The following OGA variants were observed in gnomAD, a reference collection of about 807,000 sequenced individuals.
OGA encodes protein O-GlcNAcase.
A neutral mutation model predicts 102.0 loss-of-function variants in OGA; 21 were observed. That is an observed-to-expected ratio of 0.21 (90% CI 0.15 to 0.30). The LOEUF (loss-of-function observed/expected upper bound fraction) is 0.30. Among genes scored for constraint, OGA ranks in the 10% least tolerant of loss-of-function variants. The pLI is 1.00. For synonymous variants in OGA, 408 were observed against 378.2 expected, an observed-to-expected ratio of 1.08 and a Z score of -0.91; for missense variants, 765 against 1,107.8, an observed-to-expected ratio of 0.69 and a Z score of 4.39.
chr10:101,817,478 G>A (rs1589845284), intron 1 of OGA, among the ~76,000 whole-genome samples: 2 of 152,228 alleles, frequency 1.3e-5, no homozygotes, highest in South Asian at 2.1e-4. Flanking sequence ...TTTTTTCACT[G>A]GAACCAGACA....
intron 6 of OGA, among the ~76,000 whole-genome samples, chr10:101,805,124 C>T (rs1285066692): frequency 6.6e-6 from 1 of 151,538 alleles, no homozygotes; most frequent in Non-Finnish European, 1.5e-5. Flanking sequence ...GCAGCCTCTA[C>T]CTCCCGGGCT....
At chr10:101,812,266 G>A (rs2065568505) in intron 3 of OGA, among the ~76,000 whole-genome samples, 1 of 152,100 alleles carries the variant, frequency 6.6e-6, no homozygotes, top group South Asian at 2.1e-4. Context: ...GGCCGGCCGG[G>A]CACAGGAGCT....
chr10:101,790,469 G>A (rs2065247256), intron 14 of OGA, among the ~76,000 whole-genome samples: 1 of 151,842 alleles, frequency 6.6e-6, no homozygotes, highest in Non-Finnish European at 1.5e-5. Flanking sequence ...TAGAGATGGA[G>A]TTTCACCACG....
chr10:101,798,789 C>G, intron 9 of OGA, 53 bp downstream of exon 9: 2 of 1,552,474 alleles, frequency 1.3e-6, no homozygotes, highest in Non-Finnish European at 1.7e-6. Flanking sequence ...TTCCACATTA[C>G]CAGTATGGGG....
intron 6 of OGA, among the ~76,000 whole-genome samples, chr10:101,804,446 G>A (rs1271526049): frequency 6.6e-6 from 1 of 151,194 alleles, no homozygotes; most frequent in African/African-American, 2.4e-5. Context: ...CTAATTTTTT[G>A]TATTTTTTAG....
chr10:101,799,719 T>C (rs929532820), intron 8 of OGA, among the ~76,000 whole-genome samples: 3 of 152,192 alleles, frequency 2.0e-5, no homozygotes, highest in African/African-American at 7.2e-5. Flanking sequence ...ACCCTTAAAT[T>C]ACTTCAAAAA....
At position 101,786,196 on chromosome 10, in the gene OGA, G is replaced by A. The variant is rs997560113; in HGVS notation, c.*255C>T. Reference sequence around the variant, plus strand: ...TCTCCCTGTATAAGCCCATGTAAAAGGTCTCAGCACCTAACACAAGACTCA... The same window carrying A: ...TCTCCCTGTATAAGCCCATGTAAAAAGTCTCAGCACCTAACACAAGACTCA... On this transcript the variant is annotated 3_prime_UTR_variant, in exon 16 of 16. Coordinates refer to ENST00000361464, the MANE Select transcript of OGA (RefSeq NM_012215.5). The A allele has an allele frequency of 3.2e-6, 1 of 312,256 alleles. No individual in the cohort carries two copies. The highest frequency in any genetic ancestry group is 5.8e-6 in the Non-Finnish European group (1 of 172,272). The allele number at this position is 312,256 out of a possible 1,614,324, so 19.3% of individuals were successfully genotyped here.
rs1428700616 is a variant in OGA at position 101,784,856 on chromosome 10, T to G, written c.*1595A>C. ...ATCTCAAGCCCTCAAAAATGCAAAC[T>G]TGGTTCCAGCTTTACAACATACCAT... is the stretch of plus-strand genomic sequence containing the variant. On this transcript the variant is annotated 3_prime_UTR_variant, in exon 16 of 16. Transcript: ENST00000361464. 6.6e-6 allele frequency: 1 copy of G among 152,222 alleles called. No homozygotes were observed. Among genetic ancestry groups the G allele is most frequent in the Non-Finnish European group, 1.5e-5 (1 of 68,044 alleles). 9.4% of individuals were successfully genotyped at this position (152,222 alleles called of 1,614,324 possible). A position where few individuals can be genotyped will look rare whatever the true frequency, so the allele number is the denominator to read the frequency against.
chr10:101,785,684 T>G lies in OGA; in HGVS notation c.*767A>C, dbSNP rs1327468302. 1 of 152,600 alleles carries G rather than the reference T, an allele frequency of 6.6e-6. No homozygotes were observed. The highest frequency in any genetic ancestry group is 1.5e-5 in the Non-Finnish European group (1 of 68,030). The allele number at this position is 152,600 out of a possible 1,614,324, so 9.5% of individuals were successfully genotyped here. On this transcript the variant is annotated 3_prime_UTR_variant, in exon 16 of 16. Transcript: ENST00000361464. The stretch of plus-strand genomic sequence containing the variant: ...TCCACTTTTCACTGGTTTACATTAT[T>G]CAAAGTGCCATTCTGAACCAACACC...
intron 4 of OGA, 106 bp downstream of exon 4, chr10:101,810,075 AAAC>A (rs2065532740): frequency 1.7e-6 from 2 of 1,151,640 alleles, no homozygotes; most frequent in Middle Eastern, 2.2e-4. Context: ...CAAAAAAAGA[AAAC>A]AAAGAAATAG....
At chr10:101,805,727 G>A (rs527618617) in intron 6 of OGA, among the ~76,000 whole-genome samples, 55 of 150,720 alleles carry the variant, frequency 3.6e-4, no homozygotes, top group Admixed American at 1.7e-3. Flanking sequence ...AGGCCAAGGC[G>A]GGTGGATCAC....
intron 10 of OGA, chr10:101,795,830 C>T (rs549096224): frequency 2.4e-6 from 2 of 817,538 alleles, no homozygotes; most frequent in East Asian, 1.2e-4. Flanking sequence ...AATAAAAAAA[C>T]TCACAATGTT....
At position 101,798,913 on chromosome 10, in the gene OGA, G is replaced by T. The variant is rs372907540; in HGVS notation, c.1738C>A (p.Arg580=). ...EHGPKGAQML[R]EFQWLRANSS... ...TTTGCTCGAAGCCATTGAAATTCCC[G>T]TAACATCTGTGCTCCTTTGGGTCCA... Residue 580 remains arginine, a synonymous_variant, in exon 9 of 16, where the codon CGG becomes AGG. Coordinates refer to ENST00000361464, the MANE Select transcript of OGA (RefSeq NM_012215.5). The T allele has an allele frequency of 2.5e-6, 4 of 1,613,912 alleles. No individual in the cohort carries two copies. The African/African-American group carries it at 5.3e-5, about 22-fold the overall frequency.
intron 8 of OGA, 57 bp downstream of exon 8, chr10:101,800,185 T>C (rs902735395): frequency 5.1e-6 from 8 of 1,554,018 alleles, no homozygotes; most frequent in Middle Eastern, 1.7e-4. Flanking sequence ...CAGTGTTCTT[T>C]ACTTTGTGAC....
chr10:101,787,546 A>G (rs1204233648), intron 14 of OGA, 23 bp from the exon 15 acceptor site: 2 of 1,594,636 alleles, frequency 1.3e-6, no homozygotes, highest in South Asian at 2.2e-5. Flanking sequence ...GAATCTCTTG[A>G]CTTTCACAAT....
chr10:101,816,370 G>A (rs1326530871), intron 1 of OGA, among the ~76,000 whole-genome samples: 2 of 152,138 alleles, frequency 1.3e-5, no homozygotes, highest in Non-Finnish European at 2.9e-5. Flanking sequence ...ACGAGAGAAT[G>A]GCAGACAACT....
Position 101,785,644 on chromosome 10 carries a change from CAAAAGT to C in OGA, c.*801_*806del, listed in dbSNP as rs952658869. On this transcript the variant is annotated 3_prime_UTR_variant, in exon 16 of 16. Coordinates refer to ENST00000361464, the MANE Select transcript of OGA (RefSeq NM_012215.5). The stretch of plus-strand genomic sequence containing the variant: ...ACAAAAACAACCCCAAACCCAAAGA[CAAAAGT>C]AAAGAAAATCCACTTTTCACTGGTT... The C allele has an allele frequency of 6.6e-6, 1 of 152,578 alleles. No individual in the cohort carries two copies. Among genetic ancestry groups the C allele is most frequent in the Non-Finnish European group, 1.5e-5 (1 of 68,024 alleles). The allele number at this position is 152,578 out of a possible 1,614,324, so 9.5% of individuals were successfully genotyped here.
chr10:101,806,380 T>C (rs1259490072), intron 5 of OGA, among the ~76,000 whole-genome samples: 1 of 152,196 alleles, frequency 6.6e-6, no homozygotes, highest in Non-Finnish European at 1.5e-5. Flanking sequence ...TTTTTTTTTG[T>C]ATTTTAGTAG....
chr10:101,793,704 G>A (rs1454097960), intron 11 of OGA: 2 of 480,776 alleles, frequency 4.2e-6, no homozygotes, highest in Non-Finnish European at 7.6e-6. Flanking sequence ...GCTGCGCTTC[G>A]CAGGCGCGGG....
Sources: allele counts gnomAD v4.1 joint callset (sites outside exome capture counted in the v4.1 genomes callset), GRCh38; gene constraint gnomAD v4.1.1; transcripts MANE v1.5; gene names NCBI Gene and HGNC (gene_info 2026-07-23, HGNC 2026-07-21).